The following MACROD2 variants were observed in gnomAD, a reference collection of about 807,000 sequenced individuals.
MACROD2 encodes mono-ADP ribosylhydrolase 2, also known as ADP-ribose glycohydrolase MACROD2.
A neutral mutation model predicts 70.4 loss-of-function variants in MACROD2; 36 were observed. The observed-to-expected ratio is 0.51, with a 90% CI of 0.39 to 0.68. MACROD2 has a LOEUF of 0.68. Ranked by LOEUF, MACROD2 falls within the 30% of genes least tolerant of loss-of-function variation. The pLI, the probability that MACROD2 is intolerant of heterozygous loss-of-function variation, is 0.00. For missense variants in MACROD2, 496 were observed against 538.4 expected, an observed-to-expected ratio of 0.92 and a Z score of 0.78; for synonymous variants, 172 against 178.8, an observed-to-expected ratio of 0.96 and a Z score of 0.30.
chr20:14,576,756 A>G (rs1180814025), intron 4 of MACROD2, among the ~76,000 whole-genome samples: 2 of 152,208 alleles, frequency 1.3e-5, no homozygotes, highest in Non-Finnish European at 2.9e-5. Context: ...TATATTATAA[A>G]AATGGAGAAA....
intron 5 of MACROD2, among the ~76,000 whole-genome samples, chr20:14,830,444 C>G (rs1462469251): frequency 1.3e-5 from 2 of 152,064 alleles, no homozygotes; most frequent in Non-Finnish European, 2.9e-5. Context: ...AACATTCAAA[C>G]ACCAAATTTG....
chr20:15,097,705 A>G lies in MACROD2; in HGVS notation c.419-132235A>G, dbSNP rs1005509536. On this transcript the variant is annotated intron_variant, in intron 5 of 17. Transcript: ENST00000684519. ...ATGCAAGGCCATGCTTTGTTGAAAG[A>G]TCAAGTAGATGCTTTAGTGATAGTA... Among the ~76,000 whole-genome samples the G allele has an allele frequency of 2.0e-5, 3 of 152,356 alleles. No individual in the cohort carries two copies. In the South Asian group the frequency reaches 6.2e-4, roughly 32 times the overall value.
intron 5 of MACROD2, among the ~76,000 whole-genome samples, chr20:14,755,543 A>G (rs991982749): frequency 3.3e-5 from 5 of 152,238 alleles, no homozygotes; most frequent in South Asian, 2.1e-4. Flanking sequence ...TTCATTGACT[A>G]TATAGCCTTA....
intron 3 of MACROD2, among the ~76,000 whole-genome samples, chr20:14,153,716 A>G (rs2055055580): frequency 6.6e-6 from 1 of 152,214 alleles, no homozygotes; most frequent in Non-Finnish European, 1.5e-5. Context: ...CAAAAGCGAA[A>G]ATAATCATAT....
intron 6 of MACROD2, among the ~76,000 whole-genome samples, chr20:15,266,833 C>T (rs1290923628): frequency 3.3e-5 from 5 of 152,310 alleles, no homozygotes; most frequent in Non-Finnish European, 7.3e-5. Flanking sequence ...CAGAACTACT[C>T]ATGGTTACCT....
intron 3 of MACROD2, among the ~76,000 whole-genome samples, chr20:14,489,365 T>C (rs1389598275): frequency 6.6e-6 from 1 of 152,212 alleles, no homozygotes; most frequent in East Asian, 1.9e-4. Context: ...CTATATAAAG[T>C]GGTTCTAGAA....
At chr20:15,268,143 T>C (rs1032346807) in intron 6 of MACROD2, among the ~76,000 whole-genome samples, 4 of 152,090 alleles carry the variant, frequency 2.6e-5, no homozygotes, top group African/African-American at 9.7e-5. Flanking sequence ...AGGAAGAAGC[T>C]GAGGTTTGAC....
chr20:14,169,471 A>G (rs944736086), intron 3 of MACROD2, among the ~76,000 whole-genome samples: 3 of 132,854 alleles, frequency 2.3e-5, no homozygotes, highest in African/African-American at 7.7e-5. Flanking sequence ...CGCCAAGCTA[A>G]TTTTGTATTT....
At chr20:14,785,569 T>C (rs917106449) in intron 5 of MACROD2, among the ~76,000 whole-genome samples, 6 of 152,044 alleles carry the variant, frequency 3.9e-5, no homozygotes, top group Admixed American at 2.0e-4. Flanking sequence ...ATAGCTTACA[T>C]ACCCCCGCTC....
rs192033751 is a variant in MACROD2 at position 15,759,957 on chromosome 20, G to A, written c.646-102788G>A. On this transcript the variant is annotated intron_variant, in intron 8 of 17. Transcript: ENST00000684519. ...CCAAGAGGAGAACTGAATTTTTGCC[G>A]CGTAAAGCTTCAGAAAAGTGCAAAT... Among the ~76,000 whole-genome samples the A allele has an allele frequency of 3.4e-3, 519 of 152,246 alleles. 3 individuals are homozygous for A. Among genetic ancestry groups the A allele is most frequent in the African/African-American group, 7.2e-3 (298 of 41,548 alleles).
At chr20:14,885,160 T>C (rs2073658238) in intron 5 of MACROD2, among the ~76,000 whole-genome samples, 1 of 152,176 alleles carries the variant, frequency 6.6e-6, no homozygotes, top group South Asian at 2.1e-4. Flanking sequence ...ATGTTTATAC[T>C]ACATGCTCTT....
intron 7 of MACROD2, among the ~76,000 whole-genome samples, chr20:15,470,867 T>C (rs964852800): frequency 1.4e-4 from 22 of 152,198 alleles, no homozygotes; most frequent in African/African-American, 4.8e-4. Flanking sequence ...CTCTGCCACC[T>C]TTGATCTCTT....
chr20:14,553,688 G>A (rs1337180991), intron 4 of MACROD2, among the ~76,000 whole-genome samples: 1 of 152,110 alleles, frequency 6.6e-6, no homozygotes, highest in Non-Finnish European at 1.5e-5. Context: ...TGTATATGCA[G>A]TCCATCAATG....
intron 8 of MACROD2, among the ~76,000 whole-genome samples, chr20:15,559,437 AAT>A (rs1157937570): frequency 1.3e-5 from 2 of 152,158 alleles, no homozygotes; most frequent in African/African-American, 2.4e-5. Context: ...TTTGAGTTTA[AAT>A]ATTGAAATCG....
chr20:16,044,372 G>A (rs1303766497), intron 16 of MACROD2, among the ~76,000 whole-genome samples, 199 bp from the exon 17 acceptor site: 1 of 151,990 alleles, frequency 6.6e-6, no homozygotes, highest in African/African-American at 2.4e-5. Context: ...AAGATTTGAA[G>A]GGGGCGTCTG....
At chr20:15,928,906 A>C (rs59581588) in intron 10 of MACROD2, among the ~76,000 whole-genome samples, 11,006 of 152,278 alleles carry the variant, frequency 0.072, 611 homozygotes, top group East Asian at 0.23. Flanking sequence ...TAGATGGGGA[A>C]ATACAAAATT....
At chr20:15,894,818 C>T (rs1407372991) in intron 10 of MACROD2, among the ~76,000 whole-genome samples, 1 of 152,180 alleles carries the variant, frequency 6.6e-6, no homozygotes, top group Non-Finnish European at 1.5e-5. Context: ...GAGGAGAACA[C>T]TTAGAACCAG....
intron 3 of MACROD2, among the ~76,000 whole-genome samples, chr20:14,118,309 G>C (rs189384169): frequency 2.5e-4 from 38 of 152,246 alleles, no homozygotes; most frequent in Non-Finnish European, 1.0e-4. Flanking sequence ...ATTAAACAGG[G>C]TATTGTTGGT....
intron 3 of MACROD2, among the ~76,000 whole-genome samples, chr20:14,378,480 C>A (rs2083393217): frequency 6.6e-6 from 1 of 152,178 alleles, no homozygotes; most frequent in African/African-American, 2.4e-5. Flanking sequence ...AGGGGCCACC[C>A]CAGCTCAGAG....
Sources: gnomAD v4.1 joint callset for allele counts (sites outside exome capture counted in the v4.1 genomes callset) on GRCh38, gnomAD v4.1.1 for gene constraint, MANE v1.5 for transcripts, NCBI Gene and HGNC (gene_info 2026-07-23, HGNC 2026-07-21) for gene names.